Variants in GPC6 observed in about 807,000 individuals in gnomAD.
The protein encoded by GPC6 is glypican-6.
A neutral mutation model predicts 55.2 loss-of-function variants in GPC6; 14 were observed. The ratio of observed to expected loss-of-function variants is 0.25; its 90% CI spans 0.17 to 0.40. The LOEUF (loss-of-function observed/expected upper bound fraction) is 0.40. Among genes scored for constraint, GPC6 ranks in the 10% least tolerant of loss-of-function variants. The pLI is 1.00. For missense variants in GPC6, 641 were observed against 708.5 expected, an observed-to-expected ratio of 0.90 and a Z score of 1.08; for synonymous variants, 278 against 259.6, an observed-to-expected ratio of 1.07 and a Z score of -0.68.
intron 1 of GPC6, among the ~76,000 whole-genome samples, chr13:93,331,390 A>T (rs1046919515): frequency 2.0e-5 from 3 of 152,164 alleles, no homozygotes; most frequent in African/African-American, 7.2e-5. Context: ...ACGTGTTTTT[A>T]AAAAATGATG....
intron 4 of GPC6, among the ~76,000 whole-genome samples, chr13:94,171,412 G>T (rs1347633281): frequency 6.6e-6 from 1 of 152,172 alleles, no homozygotes; most frequent in African/African-American, 2.4e-5. Context: ...AAAACAGAAG[G>T]CTGTTACATT....
chr13:93,392,821 A>T (rs1192561894), intron 1 of GPC6, among the ~76,000 whole-genome samples: 1 of 152,168 alleles, frequency 6.6e-6, no homozygotes, highest in Non-Finnish European at 1.5e-5. Context: ...TCCATAACAC[A>T]GGGAAGACAC....
intron 1 of GPC6, among the ~76,000 whole-genome samples, chr13:93,255,196 C>G (rs1227776347): frequency 1.3e-5 from 2 of 152,064 alleles, no homozygotes; most frequent in African/African-American, 4.8e-5. Context: ...TTTTTTTCTT[C>G]TATTTATTTA....
At chr13:94,351,293 C>T (rs550843094) in intron 6 of GPC6, among the ~76,000 whole-genome samples, 4 of 152,170 alleles carry the variant, frequency 2.6e-5, no homozygotes, top group South Asian at 4.1e-4. Flanking sequence ...CAGAGAACCA[C>T]GGTGATCCCT....
chr13:94,289,882 G>C (rs1874861988), intron 5 of GPC6, among the ~76,000 whole-genome samples: 1 of 152,074 alleles, frequency 6.6e-6, no homozygotes, highest in Non-Finnish European at 1.5e-5. Context: ...GAATATCTTT[G>C]CAAATTAAAA....
intron 1 of GPC6, among the ~76,000 whole-genome samples, chr13:93,370,114 A>G (rs1446108328): frequency 1.3e-5 from 2 of 152,114 alleles, no homozygotes; most frequent in East Asian, 1.9e-4. Context: ...ACCGAGTACA[A>G]TGCTGCATTC....
chr13:93,959,598 C>T (rs1381179172), intron 3 of GPC6, among the ~76,000 whole-genome samples: 1 of 152,142 alleles, frequency 6.6e-6, no homozygotes, highest in Non-Finnish European at 1.5e-5. Context: ...GAAATAAATG[C>T]TCCTACCTTT....
chr13:94,091,370 T>C (rs6492693), intron 4 of GPC6, among the ~76,000 whole-genome samples: 120,468 of 152,014 alleles, frequency 0.79, 48,074 homozygotes, highest in South Asian at 0.88. Flanking sequence ...GAGAGGATTC[T>C]GATCTTGTTA....
At chr13:93,931,562 G>A (rs966488282) in intron 3 of GPC6, among the ~76,000 whole-genome samples, 2 of 151,860 alleles carry the variant, frequency 1.3e-5, no homozygotes, top group Non-Finnish European at 2.9e-5. Context: ...TCAGGAGTTT[G>A]AGACCAGCCT....
chr13:93,248,521 G>A (rs1039426310), intron 1 of GPC6, among the ~76,000 whole-genome samples: 8 of 151,824 alleles, frequency 5.3e-5, no homozygotes, highest in Admixed American at 5.2e-4. Context: ...GCAAGAGCAG[G>A]CTTTTTCCCA....
chr13:94,341,396 C>T (rs572030739), intron 6 of GPC6, among the ~76,000 whole-genome samples: 5 of 152,148 alleles, frequency 3.3e-5, no homozygotes, highest in Non-Finnish European at 7.4e-5. Flanking sequence ...ACCAGCCTGG[C>T]CAACATGGTG....
At chr13:94,246,909 G>A (rs1891214675) in intron 4 of GPC6, among the ~76,000 whole-genome samples, 2 of 151,972 alleles carry the variant, frequency 1.3e-5, no homozygotes, top group African/African-American at 4.8e-5. Context: ...TTTGAAGAGT[G>A]TCATTGGGAT....
At chr13:94,007,152 C>A (rs976212164) in intron 3 of GPC6, among the ~76,000 whole-genome samples, 1 of 152,170 alleles carries the variant, frequency 6.6e-6, no homozygotes, top group Non-Finnish European at 1.5e-5. Flanking sequence ...ATCCATCTCA[C>A]GTCATCTGAC....
chr13:94,203,983 C>A (rs1224584629), intron 4 of GPC6, among the ~76,000 whole-genome samples: 2 of 152,076 alleles, frequency 1.3e-5, no homozygotes, highest in African/African-American at 4.8e-5. Flanking sequence ...AAAGTCTCAG[C>A]AAAACTACTA....
intron 2 of GPC6, among the ~76,000 whole-genome samples, chr13:93,696,017 C>T (rs1255654205): frequency 6.6e-6 from 1 of 152,040 alleles, no homozygotes; most frequent in African/African-American, 2.4e-5. Flanking sequence ...TGTTTGCAAA[C>T]ATAAAAATGC....
chr13:93,908,940 T>C (rs1876817460), intron 3 of GPC6, among the ~76,000 whole-genome samples: 1 of 152,164 alleles, frequency 6.6e-6, no homozygotes, highest in Admixed American at 6.5e-5. Flanking sequence ...GTAAGATAGA[T>C]TACCCACTCC....
intron 1 of GPC6, among the ~76,000 whole-genome samples, chr13:93,523,322 GATAT>G (rs201062834): frequency 2.0e-5 from 3 of 147,502 alleles, no homozygotes; most frequent in African/African-American, 7.8e-5. Context: ...TTTAAAAGAG[GATAT>G]ATATATGCAT....
intron 7 of GPC6, among the ~76,000 whole-genome samples, chr13:94,386,828 T>C (rs1162682750): frequency 6.6e-6 from 1 of 152,200 alleles, no homozygotes; most frequent in East Asian, 1.9e-4. Context: ...TGCAGCCTTT[T>C]GTCCTATCTA....
At chr13:93,629,188 A>G (rs1428761976) in intron 2 of GPC6, among the ~76,000 whole-genome samples, 1 of 152,196 alleles carries the variant, frequency 6.6e-6, no homozygotes, top group Admixed American at 6.5e-5. Flanking sequence ...TTAAACACAC[A>G]GTCTGTTTAA....
Sources: allele counts gnomAD v4.1 joint callset (sites outside exome capture counted in the v4.1 genomes callset), GRCh38; gene constraint gnomAD v4.1.1; transcripts MANE v1.5; gene names NCBI Gene and HGNC (gene_info 2026-07-23, HGNC 2026-07-21).